The following DPH6 variants were observed in gnomAD, a reference collection of about 807,000 sequenced individuals.
DPH6 encodes diphthine--ammonia ligase.
Under a neutral mutation model 38.2 loss-of-function variants are expected in DPH6, and 33 were observed. The ratio of observed to expected loss-of-function variants is 0.86; its 90% confidence interval spans 0.65 to 1.15. The LOEUF (loss-of-function observed/expected upper bound fraction) is 1.15. DPH6 is among the 50% of genes most tolerant of loss of function. DPH6 has a pLI of 0.00. For missense variants in DPH6, 325 were observed against 320.0 expected, an observed-to-expected ratio of 1.02 and a Z score of -0.12; for synonymous variants, 108 against 103.0, an observed-to-expected ratio of 1.05 and a Z score of -0.30.
chr15:35,464,376 A>G lies in DPH6; in HGVS notation c.313-9556T>C, dbSNP rs116259463. Among the ~76,000 whole-genome samples the G allele has an allele frequency of 6.6e-3, 1,008 of 152,258 alleles. 18 individuals are homozygous for G. Among genetic ancestry groups the G allele is most frequent in the African/African-American group, 0.023 (961 of 41,542 alleles). ...CACAAGGGAGACAATTCTCACCTAT[A>G]GGATAACATTAGGAAATACTTTTTT... is the stretch of plus-strand genomic sequence containing the variant. On this transcript the variant is annotated intron_variant, in intron 3 of 8. Coordinates refer to ENST00000256538, the MANE Select transcript of DPH6 (RefSeq NM_080650.4).
chr15:35,254,518 A>G (rs1365696633), intron 3 of DPH6, among the ~76,000 whole-genome samples: 1 of 152,208 alleles, frequency 6.6e-6, no homozygotes, highest in Non-Finnish European at 1.5e-5. Flanking sequence ...TACAAAAAAA[A>G]GTTTCATCTT....
chr15:35,362,295 T>A (rs936371230), intron 3 of DPH6, among the ~76,000 whole-genome samples: 1 of 152,166 alleles, frequency 6.6e-6, no homozygotes, highest in Non-Finnish European at 1.5e-5. Flanking sequence ...TGAGCTCTCT[T>A]TGCAGCTTTC....
chr15:35,311,771 G>A (rs1021219413), intron 3 of DPH6, among the ~76,000 whole-genome samples: 1 of 152,076 alleles, frequency 6.6e-6, no homozygotes, highest in African/African-American at 2.4e-5. Flanking sequence ...AAATAGAGTT[G>A]TCCAACAGAA....
chr15:35,157,959 T>G, the DPH6 span, among the ~76,000 whole-genome samples: 7 of 152,076 alleles, frequency 4.6e-5, no homozygotes, highest in Non-Finnish European at 8.8e-5. Context: ...AAAAAAATCC[T>G]TATCAGATCT....
intron 3 of DPH6, among the ~76,000 whole-genome samples, chr15:35,513,727 A>C (rs950028719): frequency 1.3e-5 from 2 of 151,986 alleles, no homozygotes; most frequent in Admixed American, 6.6e-5. Flanking sequence ...TGTTTTCTAC[A>C]AAGTTGACAG....
intron 3 of DPH6, among the ~76,000 whole-genome samples, chr15:35,356,831 A>T (rs6495764): frequency 0.36 from 55,295 of 152,016 alleles, 11,960 homozygotes; most frequent in African/African-American, 0.61. Flanking sequence ...GACATTTAAA[A>T]CTGCAGAGGT....
At position 35,287,159 on chromosome 15, in the gene DPH6, AT is replaced by A. The variant is rs1450023396; in HGVS notation, n.201-66578del. 1.8e-4 allele frequency among the ~76,000 whole-genome samples: 27 copies of A among 152,322 alleles called. 1 individual carries two copies. Among genetic ancestry groups the A allele is most frequent in the African/African-American group, 5.5e-4 (23 of 41,588 alleles). On this transcript the variant is annotated intron_variant and non_coding_transcript_variant, in intron 3 of 3. Coordinates refer to the DPH6 transcript ENST00000560386. ...CAGTAAACAGGCTTTGTTTAAAAAA[AT>A]CTTTTTATGAGTCAAGAGATGATAT...
chr15:35,202,200 CTATTTACAATA>C, the DPH6 span, among the ~76,000 whole-genome samples: 1 of 151,712 alleles, frequency 6.6e-6, no homozygotes, highest in African/African-American at 2.4e-5. Context: ...ACTGTCTCTG[CTATTTACAATA>C]TAGTGGCTGT....
chr15:35,411,068 G>T (rs16960864), intron 5 of DPH6, among the ~76,000 whole-genome samples, 172 bp from the exon 6 acceptor site: 23 of 151,240 alleles, frequency 1.5e-4, no homozygotes, highest in Admixed American at 1.3e-3. Flanking sequence ...TATTCCCCTT[G>T]GGTAACTGGT....
intron 5 of DPH6, among the ~76,000 whole-genome samples, chr15:35,412,907 A>G (rs2053385670): frequency 6.6e-6 from 1 of 151,672 alleles, no homozygotes; most frequent in African/African-American, 2.4e-5. Flanking sequence ...ATAATGATGA[A>G]TACATGTTAT....
the DPH6 span, among the ~76,000 whole-genome samples, chr15:35,199,879 G>T: frequency 6.6e-6 from 1 of 151,980 alleles, no homozygotes; most frequent in Non-Finnish European, 1.5e-5. Context: ...AGGCCACCAG[G>T]GCTTAGAGAG....
chr15:35,396,860 C>G (rs2053140803), intron 6 of DPH6, among the ~76,000 whole-genome samples: 1 of 152,068 alleles, frequency 6.6e-6, no homozygotes, highest in Non-Finnish European at 1.5e-5. Context: ...GGGAACAAGT[C>G]TTAAAATTCT....
rs374693869 is a variant in DPH6 at position 35,352,760 on chromosome 15, G to T, written n.207+20761C>A. On this transcript the variant is annotated intron_variant and non_coding_transcript_variant, in intron 3 of 3. Coordinates refer to the DPH6 transcript ENST00000558973. ...AAACATACGTGTGCATGTGTCTTTA[G>T]AGCAGCATGATTTATAATCCTTTGG... 3.8e-3 allele frequency among the ~76,000 whole-genome samples: 581 copies of T among 152,196 alleles called. 5 individuals are homozygous for T. Among genetic ancestry groups the T allele is most frequent in the African/African-American group, 0.013 (538 of 41,528 alleles).
At chr15:35,238,370 T>C (rs1367962929) in intron 3 of DPH6, among the ~76,000 whole-genome samples, 1 of 152,192 alleles carries the variant, frequency 6.6e-6, no homozygotes, top group Admixed American at 6.5e-5. Flanking sequence ...TCGGGAGTAG[T>C]TGTCTTCCTC....
At chr15:35,192,754 T>C in the DPH6 span, among the ~76,000 whole-genome samples, 1 of 152,232 alleles carries the variant, frequency 6.6e-6, no homozygotes, top group East Asian at 1.9e-4. Context: ...TGAAAATTTA[T>C]AGTAACACCA....
At chr15:35,418,066 A>C (rs1050489350) in intron 5 of DPH6, among the ~76,000 whole-genome samples, 2 of 152,096 alleles carry the variant, frequency 1.3e-5, no homozygotes, top group Admixed American at 6.6e-5. Context: ...TTTCTTTTTT[A>C]AATTTATTCA....
At chr15:35,294,440 A>T (rs997886374) in intron 3 of DPH6, among the ~76,000 whole-genome samples, 22 of 152,174 alleles carry the variant, frequency 1.4e-4, no homozygotes, top group Non-Finnish European at 3.2e-4. Flanking sequence ...TTTCAAGATC[A>T]GTTGGTTCAT....
intron 3 of DPH6, among the ~76,000 whole-genome samples, chr15:35,513,776 A>G (rs2054807945): frequency 6.6e-6 from 1 of 151,980 alleles, no homozygotes. Flanking sequence ...AACATAATTA[A>G]AGCATATCTT....
chr15:35,295,652 TCCACC>T (rs1160512617), intron 3 of DPH6, among the ~76,000 whole-genome samples: 1 of 152,136 alleles, frequency 6.6e-6, no homozygotes, highest in Non-Finnish European at 1.5e-5. Flanking sequence ...AATCCTTTCC[TCCACC>T]CCACACCAAT....
Sources: allele counts gnomAD v4.1 joint callset (sites outside exome capture counted in the v4.1 genomes callset), GRCh38; gene constraint gnomAD v4.1.1; transcripts MANE v1.5; gene names NCBI Gene and HGNC (gene_info 2026-07-23, HGNC 2026-07-21).